Variants in GIT1 observed in about 807,000 individuals in gnomAD.
GIT1 encodes the protein ARF GTPase-activating protein GIT1.
A neutral mutation model predicts 91.7 loss-of-function variants in GIT1; 14 were observed. The observed-to-expected ratio is 0.15, with a 90% CI of 0.10 to 0.24. The LOEUF is 0.24. GIT1 is among the 10% of genes least tolerant of loss of function. The pLI, the probability that GIT1 is intolerant of heterozygous loss-of-function variation, is 1.00. For missense variants in GIT1, 717 were observed against 1,024.9 expected (o/e 0.70, Z 4.10); for synonymous variants, 414 against 418.2 (o/e 0.99, Z 0.12).
intron 7 of GIT1, among the ~76,000 whole-genome samples, chr17:29,579,764 T>C (rs930489431): frequency 6.6e-6 from 1 of 151,710 alleles, no homozygotes; most frequent in Non-Finnish European, 1.5e-5. Context: ...TACATTCTTA[T>C]CTAATCCTCT....
Position 29,577,264 on chromosome 17 carries a change from G to C in GIT1, c.982-17C>G. On this transcript the variant is annotated splice_polypyrimidine_tract_variant and intron_variant, in intron 10 of 19. Transcript: ENST00000225394. ...TTGTCGCCCCTGCAAGGCAGAAAGGGCCAGGCTGGCTTCAGGGGACCCCTT... is the reference window on the plus strand; with the variant it reads ...TTGTCGCCCCTGCAAGGCAGAAAGGCCCAGGCTGGCTTCAGGGGACCCCTT... 6.2e-7 allele frequency: 1 copy of C among 1,606,604 alleles called. No individual in the cohort carries two copies. The highest frequency in any genetic ancestry group is 8.5e-7 in the Non-Finnish European group (1 of 1,173,860).
chr17:29,582,250 G>T, intron 4 of GIT1, 106 bp from the exon 5 acceptor site: 1 of 806,966 alleles, frequency 1.2e-6, no homozygotes, highest in Non-Finnish European at 2.0e-6. Flanking sequence ...GCTCCAAGGA[G>T]GCCTGCCCAA....
In GIT1 at chr17:29,575,995, A is replaced by G. The variant is rs2033181273; in HGVS notation, c.1665+83T>C. On this transcript the variant is annotated intron_variant, in intron 15 of 19. Transcript: ENST00000225394. The surrounding 1 kb of genome is among the most constrained non-coding windows in gnomAD (Gnocchi z 5.5). The stretch of plus-strand genomic sequence containing the variant: ...GGACCAGGTCAGTCTAATCATCTTA[A>G]GCCCCGAATTCAGCACAGAGCCCAG... 1 of 1,556,424 alleles carries G rather than the reference A, an allele frequency of 6.4e-7. No homozygotes were observed. Among genetic ancestry groups the G allele is most frequent in the Non-Finnish European group, 8.9e-7 (1 of 1,128,798 alleles).
chr17:29,583,530 T>G lies in GIT1; in HGVS notation c.139A>C (p.Ile47Leu). Residue 47 changes from isoleucine (I) to leucine (L), a missense_variant, in exon 2 of 20, where the codon ATT (isoleucine) becomes CTT (leucine). This residue lies in a region of GIT1 where 271 missense variants were observed against 451.6 expected (regional missense o/e 0.60). Coordinates refer to ENST00000225394, the MANE Select transcript of GIT1 (RefSeq NM_014030.4). Reference protein sequence around the residue: ...VHRSLGRHISIVKHLRHSAWP... With the variant: ...VHRSLGRHISLVKHLRHSAWP... ...GCGCTGTGGCGAAGGTGCTTGACAA[T>G]GGAGATGTGGCGTCCCAGGCTCCGG... 6.2e-7 allele frequency: 1 copy of G among 1,612,442 alleles called. No individual in the cohort carries two copies. The highest frequency in any genetic ancestry group is 1.3e-5 in the African/African-American group (1 of 74,986).
rs988731611 is a variant in GIT1 at position 29,575,937 on chromosome 17, C to T, written c.1666-39G>A. ...CAGCGCTGGATGGAGTCAGTGTGCCCCACTGCCCCCCTGCTCACCAGCAGT... is the reference window on the plus strand; with the variant it reads ...CAGCGCTGGATGGAGTCAGTGTGCCTCACTGCCCCCCTGCTCACCAGCAGT... On this transcript the variant is annotated intron_variant, in intron 15 of 19. Transcript: ENST00000225394. The surrounding 1 kb of genome is among the most constrained non-coding windows in gnomAD (Gnocchi z 5.5). The T allele has an allele frequency of 6.4e-7, 1 of 1,554,646 alleles. No individual in the cohort carries two copies. Among genetic ancestry groups the T allele is most frequent in the Non-Finnish European group, 8.8e-7 (1 of 1,132,308 alleles).
chr17:29,589,440 G>GGGC lies in GIT1; in HGVS notation c.-65_-63dup, dbSNP rs938712249. On this transcript the variant is annotated 5_prime_UTR_variant, in exon 1 of 20. Coordinates refer to ENST00000225394, the MANE Select transcript of GIT1 (RefSeq NM_014030.4). This position sits in a 1 kb window ranked among gnomAD's most constrained non-coding sequence, Gnocchi z 5.2. ...CGTGGGGGGCGCGGGCGGCGGGCCC[G>GGGC]GGCGGCGGCGGCGGCCCCTGCTGCC... The GGGC allele has an allele frequency of 1.7e-5, 12 of 702,508 alleles. No individual in the cohort carries two copies. The highest frequency in any genetic ancestry group is 6.5e-5 in the Admixed American group (1 of 15,384). 43.5% of individuals were successfully genotyped at this position (702,508 alleles called of 1,614,324 possible).
intron 1 of GIT1, chr17:29,583,956 C>G (rs963205585): frequency 9.5e-6 from 3 of 314,986 alleles, no homozygotes; most frequent in Non-Finnish European, 1.8e-5. Context: ...TGCCCCAGCC[C>G]GTCCCGAAGG....
In GIT1 at chr17:29,575,602, G is replaced by A. The variant is rs1166194904; in HGVS notation, c.1826+28C>T. 2 of 1,605,084 alleles carry A rather than the reference G, an allele frequency of 1.2e-6. No homozygotes were observed. The highest frequency in any genetic ancestry group is 1.3e-5 in the African/African-American group (1 of 74,814). On this transcript the variant is annotated intron_variant, in intron 17 of 19. Transcript: ENST00000225394. This position sits in a 1 kb window ranked among gnomAD's most constrained non-coding sequence, Gnocchi z 5.5. ...CCTCCCCGCCTCGGCATGTGAGCAG[G>A]CTGGACTGGAGACCCAGGGAGCCTC...
At position 29,589,343 on chromosome 17, in the gene GIT1, C is replaced by G. The variant is rs1224262270; in HGVS notation, c.36G>C (p.Ala12=). Residue 12 remains alanine (A), a synonymous_variant, in exon 1 of 20, where the codon GCG becomes GCC. Transcript: ENST00000225394. The surrounding 1 kb of genome is among the most constrained non-coding windows in gnomAD (Gnocchi z 5.2). ...CGCGCTTACCCGGGGCGCTGCAGTCCGCACACACCTCCGCTCGCGGCCCCT... is the reference window on the plus strand; with the variant it reads ...CGCGCTTACCCGGGGCGCTGCAGTCGGCACACACCTCCGCTCGCGGCCCCT... ...SRKGPRAEVC[A]DCSAPDPGWA... The G allele has an allele frequency of 1.9e-5, 21 of 1,086,196 alleles. No homozygotes were observed. The highest frequency in any genetic ancestry group is 2.4e-5 in the Non-Finnish European group (21 of 884,696). The allele number at this position is 1,086,196 out of a possible 1,614,324, so 67.3% of individuals were successfully genotyped here.
Position 29,576,968 on chromosome 17 carries a change from C to G in GIT1, c.1122G>C (p.Gln374His), listed in dbSNP as rs745333746. The G allele has an allele frequency of 6.2e-7, 1 of 1,602,362 alleles. No homozygotes were observed. The highest frequency in any genetic ancestry group is 8.5e-7 in the Non-Finnish European group (1 of 1,179,214). ...TDNLELSLRS[Q>H]SDLDDQHDYD... ...AGTCGTGTTGGTCGTCGAGGTCACT[C>G]TGGCTCCGCAGAGACAGCTCGAGGT... is the stretch of plus-strand genomic sequence containing the variant. The change falls in exon 12 of 20, where the codon CAG becomes CAC. Residue 374 changes from glutamine (Q) to histidine (H), a missense_variant. Coordinates refer to ENST00000225394, the MANE Select transcript of GIT1 (RefSeq NM_014030.4).
intron 7 of GIT1, among the ~76,000 whole-genome samples, chr17:29,579,850 C>T (rs192621623): frequency 6.6e-6 from 1 of 152,262 alleles, no homozygotes; most frequent in Admixed American, 6.5e-5. Context: ...AAGCAGCCTG[C>T]AAGTCACACA....
intron 1 of GIT1, chr17:29,583,844 C>A (rs571424723): frequency 1.8e-6 from 1 of 569,790 alleles, no homozygotes; most frequent in Admixed American, 3.3e-5. Context: ...ATCCTTACCC[C>A]TCTGGGATAT....
chr17:29,583,664 A>G (rs751074625), intron 1 of GIT1, 48 bp from the exon 2 acceptor site: 55 of 1,534,632 alleles, frequency 3.6e-5, no homozygotes, highest in Non-Finnish European at 4.8e-5. Context: ...GATGGGCCAG[A>G]CCTCCTGAGC....
chr17:29,575,202 C>A lies in GIT1; in HGVS notation c.2010-60G>T. 2 of 1,552,210 alleles carry A rather than the reference C, an allele frequency of 1.3e-6. No homozygotes were observed. Among genetic ancestry groups the A allele is most frequent in the Non-Finnish European group, 1.8e-6 (2 of 1,138,520 alleles). Reference sequence around the variant, plus strand: ...TCTCAAGGGAGGTTCCCAGGGACAGCAGAACCCAGGGCCCCTCATGCTCTC... The same window carrying A: ...TCTCAAGGGAGGTTCCCAGGGACAGAAGAACCCAGGGCCCCTCATGCTCTC... On this transcript the variant is annotated intron_variant, in intron 18 of 19. Coordinates refer to ENST00000225394, the MANE Select transcript of GIT1 (RefSeq NM_014030.4). The surrounding 1 kb of genome is among the most constrained non-coding windows in gnomAD (Gnocchi z 5.5).
At position 29,575,834 on chromosome 17, in the gene GIT1, GAGC is replaced by G. The variant is rs1467297992; in HGVS notation, c.1727_1729del (p.Cys576del). The G allele has an allele frequency of 3.7e-6, 6 of 1,612,854 alleles. No homozygotes were observed. Among genetic ancestry groups the G allele is most frequent in the Non-Finnish European group, 5.1e-6 (6 of 1,179,486 alleles). ...TACCGTGTGGCGGCTTCCCTCCTGGGAGCAGGACAGCAGCGGGGAGGAGGGAGT... is the reference window on the plus strand; with the variant it reads ...TACCGTGTGGCGGCTTCCCTCCTGGGAGGACAGCAGCGGGGAGGAGGGAGT... On this transcript the variant is annotated inframe_deletion, in exon 16 of 20. Transcript: ENST00000225394. The surrounding 1 kb of genome is among the most constrained non-coding windows in gnomAD (Gnocchi z 5.5).
intron 7 of GIT1, 174 bp from the exon 8 acceptor site, chr17:29,578,953 A>C (rs1160992667): frequency 6.2e-7 from 1 of 1,613,392 alleles, no homozygotes; most frequent in African/African-American, 1.3e-5. Flanking sequence ...CCCGGCAGGC[A>C]CCATATACCT....
At position 29,585,627 on chromosome 17, in the gene GIT1, T is replaced by C. The variant is rs1040592668; in HGVS notation, c.53-2011A>G. ...GAATGGTAGGCAAAGGACACTGTCC[T>C]GGTCTGGGCAGCCGCTATTGGTGTC... On this transcript the variant is annotated intron_variant, in intron 1 of 19. Coordinates refer to ENST00000225394, the MANE Select transcript of GIT1 (RefSeq NM_014030.4). Among the ~76,000 whole-genome samples the C allele has an allele frequency of 2.0e-5, 3 of 152,312 alleles. No individual in the cohort carries two copies. The East Asian group carries it at 5.8e-4, about 29-fold the overall frequency.
chr17:29,587,813 C>T (rs911087797), intron 1 of GIT1, among the ~76,000 whole-genome samples: 34 of 152,270 alleles, frequency 2.2e-4, no homozygotes, highest in African/African-American at 7.7e-4. Context: ...CCCGATTGGG[C>T]GCCTGCTAAG....
At chr17:29,579,713 A>AC (rs2033333531) in intron 7 of GIT1, among the ~76,000 whole-genome samples, 1 of 151,290 alleles carries the variant, frequency 6.6e-6, no homozygotes, top group African/African-American at 2.4e-5. Context: ...ACAGAGCGAG[A>AC]CCCCAACTCT....
Sources: gnomAD v4.1 joint callset for allele counts (sites outside exome capture counted in the v4.1 genomes callset) on GRCh38, gnomAD v4.1.1 for gene constraint, gnomAD v4.1.1 regional missense constraint, Gnocchi (gnomAD v3.1) non-coding constraint, MANE v1.5 for transcripts, NCBI Gene and HGNC (gene_info 2026-07-23, HGNC 2026-07-21) for gene names.